MITF: variants seen among roughly 807,000 people sequenced by gnomAD.
The protein encoded by MITF is melanocyte inducing transcription factor.
Under a neutral mutation model 60.5 loss-of-function variants are expected in MITF, and 17 were observed. That is an observed-to-expected ratio of 0.28 (90% confidence interval 0.19 to 0.42). The LOEUF (loss-of-function observed/expected upper bound fraction) is 0.42, where lower values mean the gene tolerates loss of function less well. Among genes scored for constraint, MITF ranks in the 10% least tolerant of loss-of-function variants. MITF has a pLI of 1.00. For synonymous variants in MITF, 260 were observed against 248.5 expected (o/e 1.05, Z -0.43); for missense variants, 622 against 683.5 (o/e 0.91, Z 1.00).
chr3:69,779,924 A>G (rs943044543), intron 1 of MITF, among the ~76,000 whole-genome samples: 6 of 152,078 alleles, frequency 3.9e-5, no homozygotes, highest in Non-Finnish European at 7.4e-5. Flanking sequence ...ACTAGAATGG[A>G]TTGGAAAAAG....
At chr3:69,864,422 A>C (rs1264576506) in intron 1 of MITF, among the ~76,000 whole-genome samples, 1 of 152,162 alleles carries the variant, frequency 6.6e-6, no homozygotes, top group African/African-American at 2.4e-5. Context: ...GCTGTTGATG[A>C]ACTTTCTCCT....
chr3:69,834,905 G>A (rs1294368981), intron 1 of MITF, among the ~76,000 whole-genome samples: 5 of 146,736 alleles, frequency 3.4e-5, no homozygotes, highest in East Asian at 3.9e-4. Flanking sequence ...ATCTCCCTAC[G>A]GCTTTGATTT....
chr3:69,855,097 CG>C (rs1320908227), intron 1 of MITF, among the ~76,000 whole-genome samples: 15 of 151,534 alleles, frequency 9.9e-5, no homozygotes, highest in African/African-American at 3.6e-4. Context: ...TTTTACCCCC[CG>C]CCCCCCAGGG....
chr3:69,895,444 G>A (rs1466770255), intron 2 of MITF, among the ~76,000 whole-genome samples: 3 of 152,138 alleles, frequency 2.0e-5, no homozygotes, highest in African/African-American at 4.8e-5. Context: ...TAGAGATTGA[G>A]CACAGACTTA....
At chr3:69,792,041 C>T (rs1273385457) in intron 1 of MITF, among the ~76,000 whole-genome samples, 1 of 152,174 alleles carries the variant, frequency 6.6e-6, no homozygotes, top group Admixed American at 6.5e-5. Context: ...GTGCTGAATC[C>T]TCATCTGTAC....
At chr3:69,878,221 C>T (rs1210986077) in intron 1 of MITF, among the ~76,000 whole-genome samples, 1 of 152,076 alleles carries the variant, frequency 6.6e-6, no homozygotes, top group Non-Finnish European at 1.5e-5. Context: ...TATTGTTATC[C>T]TTCTTTTCCG....
rs2107479615 is a variant in MITF, at chr3:69,937,984, C to T, written c.517C>T (p.Pro173Ser). 6.2e-7 allele frequency: 1 copy of T among 1,614,196 alleles called. No individual in the cohort carries two copies. The highest frequency in any genetic ancestry group is 8.5e-7 in the Non-Finnish European group (1 of 1,180,016). ...QPGDHVMPPV[P>S]GSSAPNSPMA... ...TGGCGATCATGTCATGCCACCGGTG[C>T]CGGGGAGCAGCGCACCCAACAGCCC... is the stretch of plus-strand genomic sequence containing the variant. The change falls in exon 3 of 10, where the codon CCG becomes TCG. Residue 173 changes from proline (P) to serine (S), a missense_variant. Pro to Ser is a moderately conservative substitution (Grantham distance 74, BLOSUM62 -1). This residue lies in a region of MITF where 215 missense variants were observed against 224.8 expected (regional missense o/e 0.96). Transcript: ENST00000352241.
chr3:69,806,802 G>C (rs1213097073), intron 1 of MITF, among the ~76,000 whole-genome samples: 1 of 152,140 alleles, frequency 6.6e-6, no homozygotes, highest in Non-Finnish European at 1.5e-5. Context: ...ACAGGATTCT[G>C]ATAAAGATTG....
intron 1 of MITF, among the ~76,000 whole-genome samples, chr3:69,796,027 G>A (rs1575726470): frequency 6.6e-6 from 1 of 152,244 alleles, no homozygotes; most frequent in Middle Eastern, 3.4e-3. Flanking sequence ...AGTCGCCCAG[G>A]CTGGAGAGCA....
At chr3:69,855,122 T>C (rs2063893488) in intron 1 of MITF, among the ~76,000 whole-genome samples, 2 of 151,736 alleles carry the variant, frequency 1.3e-5, no homozygotes, top group South Asian at 4.2e-4. Flanking sequence ...ACTTTTCTGC[T>C]CTCATGGTCT....
chr3:69,867,583 T>C (rs1161480855), intron 1 of MITF, among the ~76,000 whole-genome samples: 3 of 152,196 alleles, frequency 2.0e-5, no homozygotes, highest in African/African-American at 4.8e-5. Flanking sequence ...TAATTATGTG[T>C]TTAAAATGTC....
chr3:69,808,335 T>G (rs946353674), intron 1 of MITF, among the ~76,000 whole-genome samples: 52 of 152,008 alleles, frequency 3.4e-4, no homozygotes, highest in African/African-American at 1.2e-3. Flanking sequence ...TTAAGTACTC[T>G]AGGGCAGCAG....
chr3:69,791,788 T>G (rs985400488), intron 1 of MITF, among the ~76,000 whole-genome samples: 1 of 152,172 alleles, frequency 6.6e-6, no homozygotes, highest in African/African-American at 2.4e-5. Context: ...TGTGTGTGCA[T>G]TTAAGTGTGT....
At chr3:69,931,667 G>C (rs76129589) in intron 2 of MITF, among the ~76,000 whole-genome samples, 3 of 151,968 alleles carry the variant, frequency 2.0e-5, no homozygotes, top group Non-Finnish European at 4.4e-5. Context: ...ACAGGAAGTA[G>C]TATGAAAGTA....
In MITF at chr3:69,967,364, A is replaced by G. The variant is rs908923193; in HGVS notation, c.*2116A>G. 3.9e-5 allele frequency: 9 copies of G among 232,616 alleles called. No individual in the cohort carries two copies. Among genetic ancestry groups the G allele is most frequent in the South Asian group, 1.8e-4 (1 of 5,524 alleles). 14.4% of individuals were successfully genotyped at this position (232,616 alleles called of 1,614,324 possible). A position where few individuals can be genotyped will look rare whatever the true frequency, so the allele number is the denominator to read the frequency against. On this transcript the variant is annotated 3_prime_UTR_variant, in exon 10 of 10. Transcript: ENST00000352241. ...TTGTACCATAGTGTTCATTGATACA[A>G]TCATAGCATTGTCTATTTTTCTCTT...
chr3:69,757,137 A>C (rs1704181545), intron 1 of MITF, among the ~76,000 whole-genome samples: 1 of 152,186 alleles, frequency 6.6e-6, no homozygotes, highest in African/African-American at 2.4e-5. Flanking sequence ...GGAGTCTTCC[A>C]GACCACTTCC....
intron 3 of MITF, chr3:69,938,345 C>T (rs1345978551): frequency 1.3e-6 from 2 of 1,570,948 alleles, no homozygotes; most frequent in South Asian, 1.2e-5. Context: ...TCTTCCATGC[C>T]TTTCAGTTTA....
At chr3:69,943,828 C>T (rs996281178) in intron 5 of MITF, among the ~76,000 whole-genome samples, 7 of 152,096 alleles carry the variant, frequency 4.6e-5, no homozygotes, top group Non-Finnish European at 8.8e-5. Flanking sequence ...CCATGGTTCA[C>T]GCCTGTAATC....
At chr3:69,761,191 T>C (rs558577070) in intron 1 of MITF, among the ~76,000 whole-genome samples, 20 of 152,068 alleles carry the variant, frequency 1.3e-4, no homozygotes, top group Non-Finnish European at 2.2e-4. Flanking sequence ...AAAAAATTCT[T>C]TCTGTGTTAG....
Sources: allele counts gnomAD v4.1 joint callset (sites outside exome capture counted in the v4.1 genomes callset), GRCh38; gene constraint gnomAD v4.1.1; regional missense constraint gnomAD v4.1.1; transcripts MANE v1.5; gene names NCBI Gene and HGNC (gene_info 2026-07-23, HGNC 2026-07-21).